NPAS3: variants seen among roughly 807,000 people sequenced by gnomAD.
The protein encoded by NPAS3 is neuronal PAS domain protein 3.
In NPAS3, 14 loss-of-function variants were observed where a neutral mutation model predicts 73.1. The observed-to-expected ratio is 0.19, with a 90% CI of 0.13 to 0.30. The LOEUF is 0.30. NPAS3 is among the 10% of genes least tolerant of loss of function. The pLI, the probability that NPAS3 is intolerant of heterozygous loss-of-function variation, is 1.00. For synonymous variants in NPAS3, 620 were observed against 541.5 expected (o/e 1.14, Z -2.01); for missense variants, 1,096 against 1,250.0 (o/e 0.88, Z 1.86).
chr14:33,131,385 G>T (rs1228978744), intron 2 of NPAS3, among the ~76,000 whole-genome samples: 1 of 151,728 alleles, frequency 6.6e-6, no homozygotes, highest in Non-Finnish European at 1.5e-5. Context: ...TCTCTCTCAA[G>T]TTCAGTCCAA....
chr14:33,289,895 T>G (rs2042030367), intron 3 of NPAS3, among the ~76,000 whole-genome samples: 1 of 152,116 alleles, frequency 6.6e-6, no homozygotes, highest in South Asian at 2.1e-4. Context: ...TGTTGGTATT[T>G]CCCATCAAAA....
rs187582856 is a variant in NPAS3 at position 33,345,402 on chromosome 14, T to C, written c.386-21784T>C. On this transcript the variant is annotated intron_variant, in intron 3 of 11. Transcript: ENST00000356141. ...ATGTAGAATGTTCAGGTCATAGATA[T>C]TATGGAAGCTTTTTATTGTAATCCT... Among the ~76,000 whole-genome samples the C allele has an allele frequency of 1.3e-3, 201 of 152,338 alleles. 1 individual carries two copies. The highest frequency in any genetic ancestry group is 4.3e-3 in the African/African-American group (180 of 41,586).
intron 9 of NPAS3, 95 bp from the exon 10 acceptor site, chr14:33,793,801 AT>A (rs2063433751): frequency 8.0e-7 from 1 of 1,256,682 alleles, no homozygotes. Context: ...AGGTCCTCCC[AT>A]TTTTAGGCTT....
chr14:33,058,168 T>C (rs2040956776), intron 2 of NPAS3, among the ~76,000 whole-genome samples: 1 of 151,284 alleles, frequency 6.6e-6, no homozygotes, highest in Non-Finnish European at 1.5e-5. Context: ...ACATGGGTAG[T>C]TTTTCCACAC....
At chr14:33,556,309 T>C (rs2055356685) in intron 4 of NPAS3, among the ~76,000 whole-genome samples, 1 of 152,194 alleles carries the variant, frequency 6.6e-6, no homozygotes, top group Non-Finnish European at 1.5e-5. Flanking sequence ...ACTGGGTACT[T>C]TGAAGGACAG....
chr14:33,151,002 T>C (rs2044423595), intron 2 of NPAS3, among the ~76,000 whole-genome samples: 1 of 152,258 alleles, frequency 6.6e-6, no homozygotes, highest in Admixed American at 6.5e-5. Flanking sequence ...TAATACGATA[T>C]TCCTTGATAG....
intron 4 of NPAS3, among the ~76,000 whole-genome samples, chr14:33,460,165 A>G (rs2050196554): frequency 6.6e-6 from 1 of 152,184 alleles, no homozygotes; most frequent in African/African-American, 2.4e-5. Context: ...TTTTCTTGTC[A>G]GTAACATTGG....
chr14:32,996,543 G>T (rs2038580280), intron 1 of NPAS3, among the ~76,000 whole-genome samples: 2 of 152,176 alleles, frequency 1.3e-5, no homozygotes, highest in Non-Finnish European at 2.9e-5. Flanking sequence ...GCTGTGTGCA[G>T]CCTTGGGATG....
chr14:33,517,691 C>G (rs1239295762), intron 4 of NPAS3, among the ~76,000 whole-genome samples: 1 of 152,028 alleles, frequency 6.6e-6, no homozygotes. Context: ...CGTCATGCCC[C>G]GCAGCACCTA....
At chr14:33,553,306 T>C (rs968137276) in intron 4 of NPAS3, among the ~76,000 whole-genome samples, 48 of 152,212 alleles carry the variant, frequency 3.2e-4, no homozygotes, top group African/African-American at 1.0e-3. Context: ...TCTTTGTTCT[T>C]CTCATGTTTT....
intron 2 of NPAS3, among the ~76,000 whole-genome samples, chr14:33,101,770 T>C (rs776967968): frequency 3.9e-5 from 6 of 152,152 alleles, no homozygotes; most frequent in Admixed American, 1.3e-4. Flanking sequence ...CTGACTTTCA[T>C]AGGTACTCAT....
In NPAS3 at chr14:33,369,012, T is replaced by A. The variant is rs1474461617; in HGVS notation, c.468+1744T>A. ...AATCATGACTCCAAAGGCCTATGAG[T>A]AAGGTGTCTCAGTAATTGCAGTAAT... On this transcript the variant is annotated intron_variant, in intron 4 of 11. Coordinates refer to ENST00000356141, the Ensembl canonical transcript of NPAS3. Among the ~76,000 whole-genome samples the A allele has an allele frequency of 3.3e-5, 5 of 152,286 alleles. No homozygotes were observed. The Middle Eastern group carries it at 0.01, about 311-fold the overall frequency.
chr14:33,022,055 T>C (rs1423132591), intron 1 of NPAS3, among the ~76,000 whole-genome samples: 1 of 152,176 alleles, frequency 6.6e-6, no homozygotes, highest in Non-Finnish European at 1.5e-5. Flanking sequence ...AACCCTGTAC[T>C]TTTCCCACCT....
chr14:33,612,397 C>T (rs1333180397), intron 5 of NPAS3: 1 of 456,010 alleles, frequency 2.2e-6, no homozygotes, highest in Non-Finnish European at 4.4e-6. Context: ...CTTTTCTACC[C>T]TCCACAGGCA....
Position 33,800,341 on chromosome 14 carries a change from C to A in NPAS3, c.2034C>A (p.Ser678=). Reference sequence around the variant, plus strand: ...ACCGGGAGATCTCCAGGAACGAGTCCCCCTACAGCATGACCAAGCCCCCCA... The same window carrying A: ...ACCGGGAGATCTCCAGGAACGAGTCACCCTACAGCATGACCAAGCCCCCCA... Residue 678 remains serine, a synonymous_variant, in exon 12 of 12, where the codon TCC becomes TCA. Transcript: ENST00000356141. This position sits in a 1 kb window ranked among gnomAD's most constrained non-coding sequence, Gnocchi z 6.5. 1 of 1,613,044 alleles carries A rather than the reference C, an allele frequency of 6.2e-7. No homozygotes were observed. The highest frequency in any genetic ancestry group is 1.3e-5 in the African/African-American group (1 of 74,962).
At chr14:33,087,198 A>AATATATAGTACACAATATAATATTGT (rs1566545939) in intron 2 of NPAS3, among the ~76,000 whole-genome samples, 1 of 113,822 alleles carries the variant, frequency 8.8e-6, no homozygotes, top group Non-Finnish European at 1.8e-5. Flanking sequence ...AATATTGTAT[A>AATATATAGTACACAATATAATATTGT]ATAATATAGT....
At chr14:33,570,767 GGAT>G (rs1472418885) in intron 5 of NPAS3, among the ~76,000 whole-genome samples, 1 of 152,180 alleles carries the variant, frequency 6.6e-6, no homozygotes, top group Non-Finnish European at 1.5e-5. Context: ...CTGTGACACT[GGAT>G]GATATGTTTA....
intron 1 of NPAS3, among the ~76,000 whole-genome samples, chr14:32,993,193 G>A (rs985303235): frequency 6.6e-6 from 1 of 151,444 alleles, no homozygotes; most frequent in Non-Finnish European, 1.5e-5. Context: ...TTGAGACTAT[G>A]CTGCATTTGA....
At chr14:33,750,566 C>T (rs529964258) in intron 7 of NPAS3, among the ~76,000 whole-genome samples, 7 of 148,432 alleles carry the variant, frequency 4.7e-5, no homozygotes, top group African/African-American at 1.5e-4. Flanking sequence ...CATGCTTTCT[C>T]AGTTTGTAAT....
Sources: allele counts gnomAD v4.1 joint callset (sites outside exome capture counted in the v4.1 genomes callset), GRCh38; gene constraint gnomAD v4.1.1; non-coding constraint Gnocchi (gnomAD v3.1); transcripts MANE v1.5; gene names NCBI Gene and HGNC (gene_info 2026-07-23, HGNC 2026-07-21).